The following ERC2 variants were observed in gnomAD, a reference collection of about 807,000 sequenced individuals.
ERC2 encodes ELKS/RAB6-interacting/CAST family member 2.
ERC2 carries 42 observed loss-of-function variants against 114.8 expected under a neutral mutation model. That is an observed-to-expected ratio of 0.37 (90% CI 0.29 to 0.47). ERC2 has a LOEUF of 0.47. ERC2 is among the 20% of genes least tolerant of loss of function. The probability of loss-of-function intolerance (pLI) is 0.99; values close to 1 mark genes in which losing one functional copy is unlikely to be tolerated. For synonymous variants in ERC2, 454 were observed against 425.5 expected (o/e 1.07, Z -0.82); for missense variants, 939 against 1,150.7 (o/e 0.82, Z 2.66).
intron 3 of ERC2, among the ~76,000 whole-genome samples, chr3:56,261,649 G>A (rs2052938066): frequency 6.6e-6 from 1 of 152,082 alleles, no homozygotes; most frequent in Non-Finnish European, 1.5e-5. Flanking sequence ...ACTTCCTACA[G>A]GGAGCCTTTA....
At chr3:55,886,569 A>G (rs2063356294) in intron 14 of ERC2, among the ~76,000 whole-genome samples, 1 of 152,260 alleles carries the variant, frequency 6.6e-6, no homozygotes, top group Non-Finnish European at 1.5e-5. Flanking sequence ...ATACATTCAT[A>G]AATGGACTTT....
intron 17 of ERC2, among the ~76,000 whole-genome samples, chr3:55,594,129 T>C (rs2107615959): frequency 6.6e-6 from 1 of 152,290 alleles, no homozygotes; most frequent in African/African-American, 2.4e-5. Flanking sequence ...CCTTTTTTCC[T>C]CCTGTATTGT....
chr3:56,133,091 G>A (rs779503019), intron 6 of ERC2, among the ~76,000 whole-genome samples: 18 of 152,218 alleles, frequency 1.2e-4, no homozygotes, highest in South Asian at 6.2e-4. Flanking sequence ...TGAAAATTCC[G>A]TGAACTCACC....
intron 17 of ERC2, among the ~76,000 whole-genome samples, chr3:55,512,742 G>A (rs1299791514): frequency 6.6e-6 from 1 of 152,166 alleles, no homozygotes; most frequent in Non-Finnish European, 1.5e-5. Flanking sequence ...AGGTCACAAG[G>A]CAGAATACAA....
chr3:55,598,244 CA>C (rs2058242065), intron 17 of ERC2, among the ~76,000 whole-genome samples: 2 of 152,218 alleles, frequency 1.3e-5, no homozygotes, highest in Admixed American at 1.3e-4. Flanking sequence ...TGCATGTCTG[CA>C]TAAGGACTGC....
intron 14 of ERC2, among the ~76,000 whole-genome samples, chr3:55,745,163 A>G (rs896691570): frequency 3.9e-5 from 6 of 152,202 alleles, no homozygotes; most frequent in Non-Finnish European, 8.8e-5. Flanking sequence ...AAAGAAGAAA[A>G]CAGACTTTGG....
At chr3:56,307,828 G>GCACA (rs10576433) in intron 2 of ERC2, among the ~76,000 whole-genome samples, 19 of 147,656 alleles carry the variant, frequency 1.3e-4, no homozygotes, top group African/African-American at 4.0e-4. Flanking sequence ...ACACACACTT[G>GCACA]CACACACACA....
chr3:56,358,266 G>A (rs754607565), intron 2 of ERC2, among the ~76,000 whole-genome samples: 1 of 152,144 alleles, frequency 6.6e-6, no homozygotes, highest in Non-Finnish European at 1.5e-5. Context: ...CCAAGCACTA[G>A]TCCCCATCCT....
chr3:55,623,395 A>C (rs1361162059), intron 17 of ERC2, among the ~76,000 whole-genome samples: 2 of 152,338 alleles, frequency 1.3e-5, no homozygotes, highest in East Asian at 3.9e-4. Flanking sequence ...AAGTATAGTG[A>C]ACCCCAAGTT....
At chr3:56,040,779 GAGATATATAT>G (rs142608723) in intron 7 of ERC2, among the ~76,000 whole-genome samples, 63,344 of 142,102 alleles carry the variant, frequency 0.45, 14,848 homozygotes, top group East Asian at 0.63. Flanking sequence ...TCTATATATA[GAGATATATAT>G]AGATATATAT....
At chr3:56,323,682 C>G (rs566994979) in intron 2 of ERC2, among the ~76,000 whole-genome samples, 1 of 152,310 alleles carries the variant, frequency 6.6e-6, no homozygotes, top group East Asian at 1.9e-4. Flanking sequence ...TATATACACA[C>G]AGCAATAAAC....
At chr3:56,340,114 G>A (rs73832587) in intron 2 of ERC2, among the ~76,000 whole-genome samples, 2,981 of 152,172 alleles carry the variant, frequency 0.02, 106 homozygotes, top group African/African-American at 0.065. Flanking sequence ...TATATACACA[G>A]TATCCATGTT....
chr3:56,231,881 T>C (rs2050641783), intron 3 of ERC2, among the ~76,000 whole-genome samples: 1 of 152,054 alleles, frequency 6.6e-6, no homozygotes, highest in Non-Finnish European at 1.5e-5. Flanking sequence ...TCTAAATAAA[T>C]TAACTCTTCA....
chr3:56,459,028 C>A (rs1260063050), intron 1 of ERC2, among the ~76,000 whole-genome samples: 1 of 152,130 alleles, frequency 6.6e-6, no homozygotes, highest in Non-Finnish European at 1.5e-5. Context: ...GAGAAAATAA[C>A]CAGTGATCAT....
chr3:56,272,684 C>T (rs190767169), intron 3 of ERC2, among the ~76,000 whole-genome samples: 2 of 152,306 alleles, frequency 1.3e-5, no homozygotes, highest in African/African-American at 4.8e-5. Flanking sequence ...GCAGAAGAAT[C>T]GCTTGAACCC....
chr3:55,645,257 G>A (rs1352700709), intron 17 of ERC2, among the ~76,000 whole-genome samples: 1 of 152,160 alleles, frequency 6.6e-6, no homozygotes. Context: ...TTTGGCCCAT[G>A]TCTTCCCAAT....
At chr3:55,593,478 C>T (rs574294657) in intron 17 of ERC2, among the ~76,000 whole-genome samples, 2 of 152,328 alleles carry the variant, frequency 1.3e-5, no homozygotes, top group East Asian at 3.9e-4. Context: ...CTGACTTCCT[C>T]TCCAATTTCA....
At chr3:56,040,659 T>TATACATATATAGATGTATATGTATAC in intron 7 of ERC2, among the ~76,000 whole-genome samples, 1 of 122,556 alleles carries the variant, frequency 8.2e-6, no homozygotes, top group Non-Finnish European at 1.8e-5. Context: ...TATATGTATA[T>TATACATATATAGATGTATATGTATAC]ATACATATAT....
chr3:56,006,572 A>G (rs1330704851), intron 10 of ERC2, among the ~76,000 whole-genome samples: 1 of 152,096 alleles, frequency 6.6e-6, no homozygotes, highest in Non-Finnish European at 1.5e-5. Context: ...TGCACTCCAC[A>G]AAAATGTCTG....
Sources: allele counts gnomAD v4.1 joint callset (sites outside exome capture counted in the v4.1 genomes callset), GRCh38; gene constraint gnomAD v4.1.1; transcripts MANE v1.5; gene names NCBI Gene and HGNC (gene_info 2026-07-23, HGNC 2026-07-21).